NRG3: variants seen among roughly 807,000 people sequenced by gnomAD.
The protein encoded by NRG3 is pro-neuregulin-3, membrane-bound isoform.
Under a neutral mutation model 66.9 loss-of-function variants are expected in NRG3, and 31 were observed. That is an observed-to-expected ratio of 0.46 (90% confidence interval 0.35 to 0.63). The LOEUF (loss-of-function observed/expected upper bound fraction) is 0.63, where lower values mean the gene tolerates loss of function less well. NRG3 is among the 20% of genes least tolerant of loss of function. NRG3 has a pLI of 0.00. For synonymous variants in NRG3, 393 were observed against 359.4 expected (o/e 1.09, Z -1.06); for missense variants, 910 against 878.9 (o/e 1.04, Z -0.45).
At chr10:82,118,040 G>A (rs886183994) in intron 1 of NRG3, among the ~76,000 whole-genome samples, 1 of 152,032 alleles carries the variant, frequency 6.6e-6, no homozygotes, top group African/African-American at 2.4e-5. Context: ...ACAGCCTGAA[G>A]CATGCTCGCT....
intron 2 of NRG3, among the ~76,000 whole-genome samples, chr10:82,598,134 C>T (rs757764726): frequency 3.3e-5 from 5 of 152,076 alleles, no homozygotes; most frequent in Non-Finnish European, 7.4e-5. Flanking sequence ...CCTGAACAAC[C>T]TAGCAGAGTT....
chr10:82,350,623 T>A (rs2083375016), intron 1 of NRG3, among the ~76,000 whole-genome samples: 1 of 152,216 alleles, frequency 6.6e-6, no homozygotes, highest in Non-Finnish European at 1.5e-5. Flanking sequence ...GTTAGAGACA[T>A]ACATGTAGCT....
intron 1 of NRG3, among the ~76,000 whole-genome samples, chr10:82,185,180 A>G (rs1318580632): frequency 2.6e-5 from 4 of 151,956 alleles, no homozygotes; most frequent in African/African-American, 9.7e-5. Flanking sequence ...TTTTCAGTCT[A>G]TTTCTTGAGT....
intron 1 of NRG3, among the ~76,000 whole-genome samples, chr10:82,291,377 C>A (rs566290513): frequency 4.5e-4 from 68 of 152,200 alleles, no homozygotes; most frequent in Admixed American, 9.2e-4. Flanking sequence ...ATATGGTGTT[C>A]ATGTACTGGA....
chr10:82,834,918 T>C (rs956542999), intron 3 of NRG3, among the ~76,000 whole-genome samples: 1 of 152,218 alleles, frequency 6.6e-6, no homozygotes, highest in East Asian at 1.9e-4. Flanking sequence ...TCTGAAGCTG[T>C]AATCTCCATT....
chr10:82,322,632 G>C (rs987694607), intron 1 of NRG3, among the ~76,000 whole-genome samples: 1 of 151,502 alleles, frequency 6.6e-6, no homozygotes, highest in Non-Finnish European at 1.5e-5. Flanking sequence ...CCAGCTCTTT[G>C]TGACTTTACA....
At chr10:82,022,373 C>G (rs964316429) in intron 1 of NRG3, among the ~76,000 whole-genome samples, 1 of 152,102 alleles carries the variant, frequency 6.6e-6, no homozygotes, top group Non-Finnish European at 1.5e-5. Flanking sequence ...CTGTCAGTCA[C>G]ATGCCTTTAT....
At chr10:82,819,953 G>A (rs1238117828) in intron 3 of NRG3, among the ~76,000 whole-genome samples, 1 of 152,160 alleles carries the variant, frequency 6.6e-6, no homozygotes, top group Non-Finnish European at 1.5e-5. Flanking sequence ...CTCTGGGAGG[G>A]CATTTTAGAG....
intron 3 of NRG3, among the ~76,000 whole-genome samples, chr10:82,778,839 G>A (rs1591495244): frequency 6.6e-6 from 1 of 152,114 alleles, no homozygotes; most frequent in Non-Finnish European, 1.5e-5. Flanking sequence ...TGCTGGGGGA[G>A]TAGCTGCTCT....
intron 1 of NRG3, among the ~76,000 whole-genome samples, chr10:82,021,145 C>G (rs116491791): frequency 0.03 from 4,533 of 151,976 alleles, 239 homozygotes; most frequent in African/African-American, 0.1. Flanking sequence ...GGTGAGATAT[C>G]CCTTATATTT....
chr10:82,677,051 TC>T (rs2053747298), intron 2 of NRG3, among the ~76,000 whole-genome samples: 1 of 150,662 alleles, frequency 6.6e-6, no homozygotes, highest in African/African-American at 2.5e-5. Flanking sequence ...TCTTTCTCTC[TC>T]TCTCTCTCTC....
chr10:82,208,902 G>A (rs1465204250), intron 1 of NRG3, among the ~76,000 whole-genome samples: 2 of 152,124 alleles, frequency 1.3e-5, no homozygotes, highest in Non-Finnish European at 2.9e-5. Context: ...AATCTCTGAA[G>A]AAAGTCAGGA....
chr10:81,944,087 T>C (rs1848631566), intron 1 of NRG3, among the ~76,000 whole-genome samples: 1 of 152,190 alleles, frequency 6.6e-6, no homozygotes, highest in African/African-American at 2.4e-5. Flanking sequence ...GATGAGTGAT[T>C]TCTGTTCACC....
intron 3 of NRG3, chr10:82,827,260 T>A (rs1591644420): frequency 2.9e-6 from 1 of 344,014 alleles, no homozygotes; most frequent in East Asian, 9.1e-5. Flanking sequence ...AAAATCTAAT[T>A]TCAAAGACTG....
intron 1 of NRG3, among the ~76,000 whole-genome samples, chr10:81,888,582 G>A (rs1374886957): frequency 2.6e-5 from 4 of 152,140 alleles, no homozygotes; most frequent in Non-Finnish European, 5.9e-5. Context: ...TTTCAAGGGA[G>A]AATTTCCTTA....
At chr10:82,618,734 GTTAA>G (rs1328719831) in intron 2 of NRG3, among the ~76,000 whole-genome samples, 7 of 151,830 alleles carry the variant, frequency 4.6e-5, no homozygotes, top group Admixed American at 1.3e-4. Flanking sequence ...ATTATGAAAT[GTTAA>G]TTATTCATTA....
intron 2 of NRG3, among the ~76,000 whole-genome samples, chr10:82,733,371 T>A (rs1313240929): frequency 6.6e-6 from 1 of 152,190 alleles, no homozygotes; most frequent in Non-Finnish European, 1.5e-5. Context: ...TCCTTCCTAA[T>A]ACCATCTCAT....
chr10:82,850,559 A>G (rs1169674345), intron 3 of NRG3, among the ~76,000 whole-genome samples: 1 of 152,220 alleles, frequency 6.6e-6, no homozygotes, highest in Non-Finnish European at 1.5e-5. Context: ...CAAATAAAAT[A>G]TCAAATGCTG....
intron 2 of NRG3, among the ~76,000 whole-genome samples, chr10:82,653,286 A>G (rs1451133476): frequency 1.3e-5 from 2 of 152,232 alleles, no homozygotes; most frequent in African/African-American, 2.4e-5. Context: ...TACAAACTGA[A>G]CAGTGAAGTG....
Sources: gnomAD v4.1 joint callset for allele counts (sites outside exome capture counted in the v4.1 genomes callset) on GRCh38, gnomAD v4.1.1 for gene constraint, MANE v1.5 for transcripts, NCBI Gene and HGNC (gene_info 2026-07-23, HGNC 2026-07-21) for gene names.